Variants in NPAS4 observed in about 807,000 individuals in gnomAD.
The protein encoded by NPAS4 is neuronal PAS domain-containing protein 4.
A neutral mutation model predicts 64.0 loss-of-function variants in NPAS4; 10 were observed. The observed-to-expected ratio is 0.16, with a 90% CI of 0.10 to 0.26. The LOEUF (loss-of-function observed/expected upper bound fraction) is 0.26. Among genes scored for constraint, NPAS4 ranks in the 10% least tolerant of loss-of-function variants. The pLI, the probability that NPAS4 is intolerant of heterozygous loss-of-function variation, is 1.00. For missense variants in NPAS4, 886 were observed against 992.6 expected, an observed-to-expected ratio of 0.89 and a Z score of 1.44; for synonymous variants, 441 against 411.7, an observed-to-expected ratio of 1.07 and a Z score of -0.86.
At chr11:66,423,754 T>C (rs1856792448) in intron 6 of NPAS4, 41 bp downstream of exon 6, 1 of 1,612,246 alleles carries the variant, frequency 6.2e-7, no homozygotes, top group Admixed American at 1.7e-5. Flanking sequence ...GCTGAGGTCG[T>C]CATGGAGGAG....
At chr11:66,416,050 T>A (rs1856665298), upstream of NPAS4, among the ~76,000 whole-genome samples, 1 of 152,198 alleles carries the variant, frequency 6.6e-6, no homozygotes, top group Admixed American at 6.5e-5. Flanking sequence ...GGCAGTGAGC[T>A]ATGATCAGGC....
At chr11:66,425,816 C>T in intron 7 of NPAS4, 145 bp from the exon 8 acceptor site, 1 of 648,740 alleles carries the variant, frequency 1.5e-6, no homozygotes, top group Middle Eastern at 2.8e-4. Flanking sequence ...CAAATTGCCC[C>T]CTAATCTACT....
upstream of NPAS4, among the ~76,000 whole-genome samples, chr11:66,420,406 G>A (rs1590692233): frequency 1.3e-5 from 2 of 152,198 alleles, no homozygotes; most frequent in East Asian, 3.9e-4. Flanking sequence ...AAGCCGCCAA[G>A]GCCCGATTTG....
chr11:66,421,911 C>A (rs1856749950), intron 1 of NPAS4, among the ~76,000 whole-genome samples: 1 of 152,190 alleles, frequency 6.6e-6, no homozygotes, highest in Non-Finnish European at 1.5e-5. Context: ...AGGAGCCGAC[C>A]CCGCTTTAGA....
rs1340490853 is a variant in NPAS4 at position 66,425,086 on chromosome 11, G to A, written c.2196G>A (p.Glu732=). ...PSEEWGSGDP[E]AEGPGGAPSP... is the part of the protein sequence containing the mutation. ...AGGAATGGGGCTCAGGGGATCCTGA[G>A]GCAGAGGGCCCAGGAGGGGCCCCAT... The change falls in exon 7 of 8, where the codon GAG becomes GAA. Residue 732 remains glutamate (E), a synonymous_variant. Transcript: ENST00000311034. The A allele has an allele frequency of 1.2e-6, 2 of 1,602,658 alleles. No individual in the cohort carries two copies. Among genetic ancestry groups the A allele is most frequent in the Admixed American group, 1.7e-5 (1 of 57,372 alleles).
At chr11:66,422,636 A>T in intron 3 of NPAS4, 38 bp from the exon 4 acceptor site, 1 of 1,608,604 alleles carries the variant, frequency 6.2e-7, no homozygotes, top group South Asian at 1.1e-5. Flanking sequence ...TCTCTCAGCC[A>T]CTCACCCTCT....
the NPAS4 span, among the ~76,000 whole-genome samples, chr11:66,413,218 C>T: frequency 2.0e-5 from 3 of 152,152 alleles, no homozygotes; most frequent in Non-Finnish European, 2.9e-5. Flanking sequence ...CCAGAGGAGA[C>T]GATATTTAGG....
At position 66,422,831 on chromosome 11, in the gene NPAS4, G is replaced by A; in HGVS notation, c.588G>A (p.Glu196=). ...PVFTAFCAPL[E]PRPRPGPGPG... is the part of the protein sequence containing the mutation. ...TCACAGCTTTCTGTGCCCCTCTGGAGCCGAGACCCCGCCCAGGTCCTGGCC... is the reference window on the plus strand; with the variant it reads ...TCACAGCTTTCTGTGCCCCTCTGGAACCGAGACCCCGCCCAGGTCCTGGCC... Residue 196 remains glutamate (E), a synonymous_variant, in exon 4 of 8, where the codon GAG becomes GAA. Coordinates refer to ENST00000311034, the MANE Select transcript of NPAS4 (RefSeq NM_178864.4). 2 of 1,613,974 alleles carry A rather than the reference G, an allele frequency of 1.2e-6. No individual in the cohort carries two copies. Among genetic ancestry groups the A allele is most frequent in the Non-Finnish European group, 1.7e-6 (2 of 1,180,042 alleles).
At chr11:66,418,640 A>G (rs984807664), upstream of NPAS4, among the ~76,000 whole-genome samples, 8 of 151,798 alleles carry the variant, frequency 5.3e-5, no homozygotes, top group Non-Finnish European at 1.0e-4. Context: ...GTTTCTTCCC[A>G]TTCCATTCTC....
rs1442071930 is a variant in NPAS4, at chr11:66,424,360, T to G, written c.1470T>G (p.Thr490=). The change falls in exon 7 of 8, where the codon ACT becomes ACG. Residue 490 remains threonine, a synonymous_variant. Coordinates refer to ENST00000311034, the MANE Select transcript of NPAS4 (RefSeq NM_178864.4). The part of the protein sequence containing the change: ...PLTSPLQGQL[T]ETSVRSYEDQ... Reference sequence around the variant, plus strand: ...CTAGCCCACTGCAAGGCCAGTTGACTGAAACCTCGGTCAGAAGCTATGAAG... The same window carrying G: ...CTAGCCCACTGCAAGGCCAGTTGACGGAAACCTCGGTCAGAAGCTATGAAG... 2 of 1,614,002 alleles carry G rather than the reference T, an allele frequency of 1.2e-6. No homozygotes were observed. Among genetic ancestry groups the G allele is most frequent in the Admixed American group, 3.3e-5 (2 of 60,006 alleles).
chr11:66,412,540 A>G, the NPAS4 span, among the ~76,000 whole-genome samples: 2 of 152,230 alleles, frequency 1.3e-5, no homozygotes, highest in African/African-American at 4.8e-5. Flanking sequence ...GCCTTGTTCA[A>G]AATTATATTT....
In NPAS4 at chr11:66,422,667, T is replaced by C. The variant is rs1201413962; in HGVS notation, c.431-7T>C. ...CCTCTTATCTGTTTTTCTCTTCATC[T>C]ATCTAGATCGCCTCTTCCGCTGCCG... On this transcript the variant is annotated splice_polypyrimidine_tract_variant and splice_region_variant and intron_variant, in intron 3 of 7. Transcript: ENST00000311034. 4 of 1,613,520 alleles carry C rather than the reference T, an allele frequency of 2.5e-6. No homozygotes were observed. The South Asian group carries it at 4.4e-5, about 18-fold the overall frequency.
At position 66,423,982 on chromosome 11, in the gene NPAS4, C is replaced by T. The variant is rs1210861366; in HGVS notation, c.1092C>T (p.Thr364=). ...GCTCCAGCACTAACCCACTCTTCAC[C>T]GCAGCACTGGGGGCTCCCAGAAGCA... ...EECSSTNPLF[T]AALGAPRSTS... The change falls in exon 7 of 8, where the codon ACC becomes ACT. Residue 364 remains threonine (T), a synonymous_variant. Transcript: ENST00000311034. The T allele has an allele frequency of 1.5e-5, 25 of 1,613,994 alleles. No individual in the cohort carries two copies. The highest frequency in any genetic ancestry group is 4.0e-5 in the African/African-American group (3 of 74,904).
At chr11:66,421,674 C>T (rs1856744307) in intron 1 of NPAS4, among the ~76,000 whole-genome samples, 1 of 152,244 alleles carries the variant, frequency 6.6e-6, no homozygotes, top group African/African-American at 2.4e-5. Context: ...CGGGAAGTTG[C>T]AGGGATGGAG....
chr11:66,424,854 G>A lies in NPAS4; in HGVS notation c.1964G>A (p.Gly655Asp), dbSNP rs202065239. 3.8e-5 allele frequency: 61 copies of A among 1,612,846 alleles called. No individual in the cohort carries two copies. Among genetic ancestry groups the A allele is most frequent in the African/African-American group, 5.3e-5 (4 of 75,054 alleles). Residue 655 changes from glycine (G) to aspartate (D), a missense_variant, in exon 7 of 8, where the codon GGC becomes GAC. Gly to Asp is a moderately conservative substitution (Grantham distance 94). Coordinates refer to ENST00000311034, the MANE Select transcript of NPAS4 (RefSeq NM_178864.4). ...GMDRPFSAEA[G>D]TGGLEPLGGL... ...GACAGACCCTTCTCAGCTGAGGCTG[G>A]CACTGGCGGACTAGAGCCACTTGGA...
chr11:66,423,882 C>T lies in NPAS4; in HGVS notation c.992C>T (p.Thr331Ile), dbSNP rs769746037. 18 of 1,613,436 alleles carry T rather than the reference C, an allele frequency of 1.1e-5. No individual in the cohort carries two copies. Among genetic ancestry groups the T allele is most frequent in the Non-Finnish European group, 1.4e-5 (16 of 1,179,696 alleles). Residue 331 changes from threonine to isoleucine, a missense_variant, in exon 7 of 8, where the codon ACC becomes ATC. Physicochemically the swap from Thr to Ile is moderately conservative, Grantham distance 89 (BLOSUM62 -1). Around this residue, in one of 3 missense-constraint regions of NPAS4, gnomAD observed 820 missense variants for 855.5 expected, o/e 0.96. Transcript: ENST00000311034. ...CGCCAGCAGTTGAACTCTGAAGACA[C>T]CCAGGCAGCTTATGTCCTGGGCACT... ...SLRQQLNSED[T>I]QAAYVLGTPT... is the part of the protein sequence containing the mutation.
Position 66,426,095 on chromosome 11 carries a change from G to A in NPAS4, c.*106G>A. On this transcript the variant is annotated 3_prime_UTR_variant, in exon 8 of 8. Transcript: ENST00000311034. The stretch of plus-strand genomic sequence containing the variant: ...TGGGGGGATTCTGAGGGCCAGAGGG[G>A]GATATATATGATTCCCCAGGCCCTG... 1.3e-6 allele frequency: 1 copy of A among 799,122 alleles called. No individual in the cohort carries two copies. Among genetic ancestry groups the A allele is most frequent in the South Asian group, 1.4e-5 (1 of 69,710 alleles). The allele number at this position is 799,122 out of a possible 1,614,324, so 49.5% of individuals were successfully genotyped here.
upstream of NPAS4, among the ~76,000 whole-genome samples, chr11:66,420,561 G>C (rs1167182587): frequency 5.3e-5 from 8 of 152,350 alleles, no homozygotes; most frequent in Non-Finnish European, 4.4e-5. Flanking sequence ...GACCTTGTCT[G>C]TCAAGTAACG....
upstream of NPAS4, among the ~76,000 whole-genome samples, chr11:66,420,115 G>A (rs1051308782): frequency 9.2e-5 from 14 of 152,360 alleles, no homozygotes; most frequent in East Asian, 1.9e-3. Context: ...CAGCAGGGCG[G>A]GGGGAAGCGC....
Sources: allele counts gnomAD v4.1 joint callset (sites outside exome capture counted in the v4.1 genomes callset), GRCh38; gene constraint gnomAD v4.1.1; regional missense constraint gnomAD v4.1.1; transcripts MANE v1.5; gene names NCBI Gene and HGNC (gene_info 2026-07-23, HGNC 2026-07-21).